Variants in NCAPG observed in about 807,000 individuals in gnomAD.
NCAPG encodes the protein condensin complex subunit 3.
NCAPG carries 69 observed loss-of-function variants against 113.1 expected under a neutral mutation model. The observed-to-expected ratio is 0.61, with a 90% CI of 0.50 to 0.75. The LOEUF (loss-of-function observed/expected upper bound fraction) is 0.75. NCAPG is among the 30% of genes least tolerant of loss of function. NCAPG has a pLI of 0.00. For synonymous variants in NCAPG, 370 were observed against 415.8 expected, an observed-to-expected ratio of 0.89 and a Z score of 1.34; for missense variants, 1,058 against 1,177.0, an observed-to-expected ratio of 0.90 and a Z score of 1.48.
At chr4:17,843,032 C>CATTA (rs1181522348) in intron 20 of NCAPG, 1 of 233,710 alleles carries the variant, frequency 4.3e-6, no homozygotes, top group Admixed American at 5.1e-5. Flanking sequence ...TTACAAGCTT[C>CATTA]ATTACAAGTT....
chr4:17,823,748 A>C lies in NCAPG; in HGVS notation c.1361A>C (p.Asp454Ala). 6.3e-7 allele frequency: 1 copy of C among 1,598,586 alleles called. No homozygotes were observed. Among genetic ancestry groups the C allele is most frequent in the South Asian group, 1.1e-5 (1 of 90,018 alleles). The change falls in exon 9 of 21, where the codon GAT (aspartate) becomes GCT (alanine). Residue 454 changes from aspartate to alanine, a missense_variant. By Grantham distance (126) the Asp-to-Ala change is moderately radical (BLOSUM62 -2). Transcript: ENST00000251496. ...GAAAGACTACTCCACATCATTATAG[A>C]TGATAATAAGAGAACACAAATTGTA... ...LVERLLHIII[D>A]DNKRTQIVTE...
intron 13 of NCAPG, among the ~76,000 whole-genome samples, chr4:17,833,485 TTTGTTG>T (rs11431250): frequency 0.022 from 3,257 of 148,436 alleles, 125 homozygotes; most frequent in African/African-American, 0.077. Flanking sequence ...TATATATATT[TTTGTTG>T]TTGTTGTTGT....
chr4:17,817,198 A>G (rs1371092067), intron 5 of NCAPG, 63 bp from the exon 6 acceptor site: 1 of 1,242,944 alleles, frequency 8.0e-7, no homozygotes, highest in Non-Finnish European at 1.1e-6. Flanking sequence ...TAAAACAGAC[A>G]AAATACAAGA....
intron 19 of NCAPG, chr4:17,841,430 T>C (rs938723861): frequency 1.3e-5 from 2 of 152,016 alleles, no homozygotes; most frequent in African/African-American, 2.4e-5. Context: ...GTAAATTATT[T>C]AAATACCAAT....
chr4:17,837,163 C>G lies in NCAPG; in HGVS notation c.2114C>G (p.Ser705Cys). ...LLSDFLDSEVSELRTGAAEGL... is the reference protein window; with the variant it reads ...LLSDFLDSEVCELRTGAAEGL... ...AATGAATGTCATCTTTGTTAGGTAT[C>G]TGAACTTAGGACTGGAGCTGCAGAA... Residue 705 changes from serine (S) to cysteine (C), a missense_variant, in exon 15 of 21, where the codon TCT becomes TGT. Ser to Cys is a moderately radical substitution (Grantham distance 112, BLOSUM62 -1). Transcript: ENST00000251496. 1.9e-6 allele frequency: 3 copies of G among 1,612,672 alleles called. No individual in the cohort carries two copies. Among genetic ancestry groups the G allele is most frequent in the Non-Finnish European group, 2.5e-6 (3 of 1,179,436 alleles).
At chr4:17,835,422 C>A (rs1722056814) in intron 14 of NCAPG, among the ~76,000 whole-genome samples, 1 of 152,034 alleles carries the variant, frequency 6.6e-6, no homozygotes, top group Non-Finnish European at 1.5e-5. Flanking sequence ...GAACTCCTGG[C>A]CTCAAGTGAT....
Position 17,823,695 on chromosome 4 carries a change from C to A in NCAPG, c.1308C>A (p.Ile436=). The A allele has an allele frequency of 6.2e-7, 1 of 1,610,096 alleles. No homozygotes were observed. The highest frequency in any genetic ancestry group is 8.5e-7 in the Non-Finnish European group (1 of 1,176,830). The change falls in exon 9 of 21, where the codon ATC becomes ATA. Residue 436 remains isoleucine (I), a synonymous_variant. Transcript: ENST00000251496. ...AGGAGATTCTTATTTTACCCACAATCCCAATATCCCTGGTTTCTTTTCTTG... is the reference window on the plus strand; with the variant it reads ...AGGAGATTCTTATTTTACCCACAATACCAATATCCCTGGTTTCTTTTCTTG... The part of the protein sequence containing the change: ...VLQEILILPT[I]PISLVSFLVE...
rs1721252955 is a variant in NCAPG at position 17,817,364 on chromosome 4, T to G, written c.879T>G (p.Ser293=). ...ELLHRLDVEN[S]SEVAVSVLNA... is the part of the protein sequence containing the mutation. ...TCCATCGGTTGGATGTAGAAAATTC[T>G]TCTGAAGTGGCAGTCTCTGTTCTCA... Residue 293 remains serine (S), a synonymous_variant, in exon 6 of 21, where the codon TCT becomes TCG. Coordinates refer to ENST00000251496, the MANE Select transcript of NCAPG (RefSeq NM_022346.5). 4 of 1,614,016 alleles carry G rather than the reference T, an allele frequency of 2.5e-6. No homozygotes were observed. In the South Asian group the frequency reaches 3.3e-5, roughly 13 times the overall value.
At chr4:17,819,837 T>A (rs929099984) in intron 7 of NCAPG, among the ~76,000 whole-genome samples, 3 of 152,184 alleles carry the variant, frequency 2.0e-5, no homozygotes, top group Non-Finnish European at 2.9e-5. Context: ...GCCTCTAAAT[T>A]TCCCCTCAAA....
At chr4:17,815,160 AC>A in intron 4 of NCAPG, 113 bp from the exon 5 acceptor site, 1 of 1,228,878 alleles carries the variant, frequency 8.1e-7, no homozygotes, top group Non-Finnish European at 1.1e-6. Context: ...TAAGTATGTT[AC>A]CAGGTATTAA....
intron 12 of NCAPG, 107 bp downstream of exon 12, chr4:17,828,495 T>C: frequency 5.4e-6 from 3 of 557,572 alleles, no homozygotes; most frequent in Admixed American, 3.4e-5. Flanking sequence ...GTCTTAAATA[T>C]CTGATAAGTA....
At chr4:17,838,687 C>A (rs866981723) in intron 16 of NCAPG, among the ~76,000 whole-genome samples, 41 of 152,172 alleles carry the variant, frequency 2.7e-4, no homozygotes, top group African/African-American at 9.9e-4. Flanking sequence ...GGCTAAGGAT[C>A]CTGAATAGGA....
chr4:17,811,492 A>G lies in NCAPG; in HGVS notation c.111+304A>G, dbSNP rs1284537529. 6.6e-6 allele frequency among the ~76,000 whole-genome samples: 1 copy of G among 151,364 alleles called. No homozygotes were observed. The highest frequency in any genetic ancestry group is 1.5e-5 in the Non-Finnish European group (1 of 67,842). On this transcript the variant is annotated intron_variant, in intron 1 of 20. Transcript: ENST00000251496. This position sits in a 1 kb window ranked among gnomAD's most constrained non-coding sequence, Gnocchi z 5.3. Reference sequence around the variant, plus strand: ...TTCCTTAGTCCGATCGTGAACGTGGAGAGAAACATTTACGACCACCGAGGC... The same window carrying G: ...TTCCTTAGTCCGATCGTGAACGTGGGGAGAAACATTTACGACCACCGAGGC...
chr4:17,823,729 C>T lies in NCAPG; in HGVS notation c.1342C>T (p.Leu448=). The T allele has an allele frequency of 6.3e-7, 1 of 1,596,002 alleles. No homozygotes were observed. The change falls in exon 9 of 21, where the codon CTA becomes TTA. Residue 448 remains leucine (L), a synonymous_variant. Transcript: ENST00000251496. ...ISLVSFLVER[L]LHIIIDDNKR... is the part of the protein sequence containing the mutation. ...CCTGGTTTCTTTTCTTGTTGAAAGACTACTCCACATCATTATAGATGATAA... is the reference window on the plus strand; with the variant it reads ...CCTGGTTTCTTTTCTTGTTGAAAGATTACTCCACATCATTATAGATGATAA...
In NCAPG at chr4:17,839,753, A is replaced by G. The variant is rs760792904; in HGVS notation, c.2544A>G (p.Arg848=). 1.3e-6 allele frequency: 2 copies of G among 1,585,820 alleles called. No individual in the cohort carries two copies. Among genetic ancestry groups the G allele is most frequent in the South Asian group, 2.3e-5 (2 of 85,272 alleles). ...CAAGTCCGTGCTCGCCAGAAATTCG[A>G]GTCTATACAAAAGCCTTGAGTTCTT... is the stretch of plus-strand genomic sequence containing the variant. ...ILTSPCSPEI[R]VYTKALSSLE... Residue 848 remains arginine (R), a synonymous_variant, in exon 17 of 21, where the codon CGA becomes CGG. Coordinates refer to ENST00000251496, the MANE Select transcript of NCAPG (RefSeq NM_022346.5).
intron 7 of NCAPG, among the ~76,000 whole-genome samples, chr4:17,822,291 T>G (rs755040504): frequency 6.6e-6 from 1 of 151,574 alleles, no homozygotes; most frequent in Non-Finnish European, 1.5e-5. Context: ...CCTCCTGGAT[T>G]CAAGCAATTC....
At chr4:17,843,214 T>TGTGA (rs1722593810) in intron 20 of NCAPG, 88 bp from the exon 21 acceptor site, 17 of 1,407,950 alleles carry the variant, frequency 1.2e-5, no homozygotes, top group Non-Finnish European at 1.6e-5. Context: ...ACTGATAGAA[T>TGTGA]GTGAGTCAGA....
rs1309754156 is a variant in NCAPG at position 17,844,152 on chromosome 4, A to G, written c.*727A>G. On this transcript the variant is annotated 3_prime_UTR_variant, in exon 21 of 21. Coordinates refer to ENST00000251496, the MANE Select transcript of NCAPG (RefSeq NM_022346.5). ...AAATAATATTTATTTACTGTGGATA[A>G]TAATTCTAGTGGGAATATAATGTGA... 6.6e-6 allele frequency: 1 copy of G among 152,016 alleles called. No individual in the cohort carries two copies. Among genetic ancestry groups the G allele is most frequent in the African/African-American group, 2.4e-5 (1 of 41,424 alleles). The allele number at this position is 152,016 out of a possible 1,614,324, so 9.4% of individuals were successfully genotyped here. A position where few individuals can be genotyped will look rare whatever the true frequency, so the allele number is the denominator to read the frequency against.
intron 11 of NCAPG, among the ~76,000 whole-genome samples, chr4:17,826,583 A>G (rs942289583): frequency 6.6e-6 from 1 of 152,226 alleles, no homozygotes; most frequent in African/African-American, 2.4e-5. Flanking sequence ...TTAGGTCAAA[A>G]TTATAAAATT....
Sources: allele counts gnomAD v4.1 joint callset (sites outside exome capture counted in the v4.1 genomes callset), GRCh38; gene constraint gnomAD v4.1.1; non-coding constraint Gnocchi (gnomAD v3.1); transcripts MANE v1.5; gene names NCBI Gene and HGNC (gene_info 2026-07-23, HGNC 2026-07-21).